Variants in DAZAP1 observed in about 807,000 individuals in gnomAD.
The protein encoded by DAZAP1 is DAZ associated protein 1, also known as DAZ-associated protein 1.
Under a neutral mutation model 60.1 loss-of-function variants are expected in DAZAP1, and 6 were observed. The ratio of observed to expected loss-of-function variants is 0.10; its 90% CI spans 0.05 to 0.20. The LOEUF (loss-of-function observed/expected upper bound fraction) is 0.20, where lower values mean the gene tolerates loss of function less well. Among genes scored for constraint, DAZAP1 ranks in the 10% least tolerant of loss-of-function variants. The probability of loss-of-function intolerance (pLI) is 1.00; values close to 1 mark genes in which losing one functional copy is unlikely to be tolerated. For missense variants in DAZAP1, 366 were observed against 560.4 expected, an observed-to-expected ratio of 0.65 and a Z score of 3.50; for synonymous variants, 235 against 215.9, an observed-to-expected ratio of 1.09 and a Z score of -0.78.
intron 1 of DAZAP1, among the ~76,000 whole-genome samples, chr19:1,408,541 C>T (rs1346012651): frequency 2.6e-5 from 4 of 152,240 alleles, no homozygotes; most frequent in Non-Finnish European, 5.9e-5. Flanking sequence ...CATCCCACCC[C>T]CCCAAAGTGG....
chr19:1,419,612 G>C (rs542049758), intron 4 of DAZAP1, among the ~76,000 whole-genome samples: 1 of 152,270 alleles, frequency 6.6e-6, no homozygotes, highest in East Asian at 1.9e-4. Context: ...TCTCATAGCT[G>C]GTTTTTTTCA....
chr19:1,427,194 G>A (rs147023696), intron 7 of DAZAP1: 1 of 152,332 alleles, frequency 6.6e-6, no homozygotes, highest in East Asian at 1.9e-4. Context: ...GGGCTTCAAG[G>A]AGTCTGCGCC....
At chr19:1,430,451 C>A in intron 10 of DAZAP1, 89 bp downstream of exon 10, 1 of 1,252,460 alleles carries the variant, frequency 8.0e-7, no homozygotes, top group Non-Finnish European at 1.1e-6. Flanking sequence ...TTGTGTTACA[C>A]GTCTGGCCTC....
At position 1,428,807 on chromosome 19, in the gene DAZAP1, C is replaced by T. The variant is rs377677193; in HGVS notation, c.547-35C>T. The T allele has an allele frequency of 9.9e-6, 16 of 1,611,412 alleles. No homozygotes were observed. Among genetic ancestry groups the T allele is most frequent in the Non-Finnish European group, 1.4e-5 (16 of 1,179,118 alleles). On this transcript the variant is annotated intron_variant, in intron 7 of 11. Coordinates refer to ENST00000233078, the MANE Select transcript of DAZAP1 (RefSeq NM_018959.4). This position sits in a 1 kb window ranked among gnomAD's most constrained non-coding sequence, Gnocchi z 4.0. ...AAAGGGAAGGGGGTGCTGGGACCCG[C>T]AGCCTCGCCCTAAACCAGAGCTCGG...
In DAZAP1 at chr19:1,426,718, G is replaced by A. The variant is rs1034441213; in HGVS notation, c.546+758G>A. 6.6e-6 allele frequency: 1 copy of A among 152,226 alleles called. No individual in the cohort carries two copies. The highest frequency in any genetic ancestry group is 2.4e-5 in the African/African-American group (1 of 41,442). The allele number at this position is 152,226 out of a possible 1,614,324, so 9.4% of individuals were successfully genotyped here. On this transcript the variant is annotated intron_variant, in intron 7 of 11. Transcript: ENST00000233078. This position sits in a 1 kb window ranked among gnomAD's most constrained non-coding sequence, Gnocchi z 5.4. Reference sequence around the variant, plus strand: ...GAAATTCTACAGTGTGGAATTTCTTGCAGTTAGCAAAAGCTTAGGGGTCCA... The same window carrying A: ...GAAATTCTACAGTGTGGAATTTCTTACAGTTAGCAAAAGCTTAGGGGTCCA...
chr19:1,421,141 T>C lies in DAZAP1; in HGVS notation c.304-7T>C, dbSNP rs1404764431. On this transcript the variant is annotated splice_region_variant and splice_polypyrimidine_tract_variant and intron_variant, in intron 4 of 11. Transcript: ENST00000233078. ...TGTGAACTAACTATCCTTCCCTTCTTCAACAGCAGAAAGGACCCAGGAGCG... is the reference window on the plus strand; with the variant it reads ...TGTGAACTAACTATCCTTCCCTTCTCCAACAGCAGAAAGGACCCAGGAGCG... The C allele has an allele frequency of 6.2e-7, 1 of 1,612,998 alleles. No individual in the cohort carries two copies. The highest frequency in any genetic ancestry group is 1.7e-5 in the Admixed American group (1 of 60,004).
intron 7 of DAZAP1, chr19:1,427,177 A>C (rs535894835): frequency 6.6e-6 from 1 of 152,340 alleles, no homozygotes; most frequent in East Asian, 1.9e-4. Flanking sequence ...GCGCGACAGT[A>C]CAAGCAGGGC....
chr19:1,421,117 G>C, intron 4 of DAZAP1, 31 bp from the exon 5 acceptor site: 1 of 1,606,850 alleles, frequency 6.2e-7, no homozygotes, highest in South Asian at 1.1e-5. Context: ...GGGTTCCCGT[G>C]TGAACTAACT....
chr19:1,431,175 C>G (rs1267352969), intron 10 of DAZAP1, among the ~76,000 whole-genome samples: 1 of 151,578 alleles, frequency 6.6e-6, no homozygotes, highest in East Asian at 1.9e-4. Context: ...GTCGCCCAGG[C>G]TAGAGTGCAG....
chr19:1,430,751 C>T (rs1042270325), intron 10 of DAZAP1, among the ~76,000 whole-genome samples: 2 of 142,630 alleles, frequency 1.4e-5, no homozygotes, highest in East Asian at 4.1e-4. Context: ...GATGGAGTTT[C>T]ACTCTGTAGC....
chr19:1,429,098 C>G (rs1600238011), intron 8 of DAZAP1, 103 bp downstream of exon 8: 1 of 1,357,374 alleles, frequency 7.4e-7, no homozygotes, highest in African/African-American at 1.5e-5. Context: ...CTCTGCTGTG[C>G]ATGCACAGAG....
intron 1 of DAZAP1, among the ~76,000 whole-genome samples, chr19:1,410,897 G>A (rs966613170): frequency 6.6e-6 from 1 of 152,258 alleles, no homozygotes; most frequent in Admixed American, 6.5e-5. Context: ...TCAGCGGAGA[G>A]AGGAGAAAGC....
chr19:1,419,868 C>T (rs533306723), intron 4 of DAZAP1, among the ~76,000 whole-genome samples: 1 of 142,522 alleles, frequency 7.0e-6, no homozygotes, highest in African/African-American at 2.6e-5. Flanking sequence ...CCGACCGTCA[C>T]GGCAGCGAGC....
intron 10 of DAZAP1, among the ~76,000 whole-genome samples, chr19:1,431,287 C>T (rs1020855008): frequency 6.6e-6 from 1 of 151,268 alleles, no homozygotes; most frequent in Non-Finnish European, 1.5e-5. Flanking sequence ...CACCACCACG[C>T]CTGGCTAATT....
chr19:1,434,966 A>T lies in DAZAP1; in HGVS notation c.*54A>T. Reference sequence around the variant, plus strand: ...CAGACCCAGGATTCCAAACTTGTGAACTCGTGACAATCACAAACTTGGCGG... The same window carrying T: ...CAGACCCAGGATTCCAAACTTGTGATCTCGTGACAATCACAAACTTGGCGG... On this transcript the variant is annotated 3_prime_UTR_variant, in exon 12 of 12. Transcript: ENST00000233078. This position sits in a 1 kb window ranked among gnomAD's most constrained non-coding sequence, Gnocchi z 8.0. 1.0e-6 allele frequency: 1 copy of T among 996,324 alleles called. No homozygotes were observed. The highest frequency in any genetic ancestry group is 1.2e-6 in the Non-Finnish European group (1 of 837,692). 61.7% of individuals were successfully genotyped at this position (996,324 alleles called of 1,614,324 possible). A position where few individuals can be genotyped will look rare whatever the true frequency, so the allele number is the denominator to read the frequency against.
Position 1,412,471 on chromosome 19 carries a change from G to C in DAZAP1, c.29+4669G>C, listed in dbSNP as rs370886432. On this transcript the variant is annotated intron_variant, in intron 1 of 11. Transcript: ENST00000233078. The stretch of plus-strand genomic sequence containing the variant: ...GACTGGCGGAGCCCAGAGCCAGGTG[G>C]GGTCTGTGGGGAGGCAGGCTCCTCC... 2.7e-4 allele frequency among the ~76,000 whole-genome samples: 41 copies of C among 152,358 alleles called. No homozygotes were observed. In the East Asian group the frequency reaches 7.1e-3, roughly 26 times the overall value.
At chr19:1,411,068 C>G (rs1275100262) in intron 1 of DAZAP1, among the ~76,000 whole-genome samples, 1 of 152,234 alleles carries the variant, frequency 6.6e-6, no homozygotes, top group Admixed American at 6.5e-5. Context: ...CTACTTGTAC[C>G]TGTGCAGAGT....
In DAZAP1 at chr19:1,423,374, TC is replaced by T. The variant is rs1217656960; in HGVS notation, c.463+980del. 4.6e-5 allele frequency among the ~76,000 whole-genome samples: 7 copies of T among 152,264 alleles called. No individual in the cohort carries two copies. The highest frequency in any genetic ancestry group is 5.9e-5 in the Non-Finnish European group (4 of 68,040). ...ACAGTGATGTTAAGTAAGCTGTTTTTCCTTTTCTCTCTGTGAATTGTGTGTG... is the reference window on the plus strand; with the variant it reads ...ACAGTGATGTTAAGTAAGCTGTTTTTCTTTTCTCTCTGTGAATTGTGTGTG... On this transcript the variant is annotated intron_variant, in intron 6 of 11. Transcript: ENST00000233078. This position sits in a 1 kb window ranked among gnomAD's most constrained non-coding sequence, Gnocchi z 6.8.
rs1169289427 is a variant in DAZAP1 at position 1,423,586 on chromosome 19, G to C, written c.463+1190G>C. 6.6e-6 allele frequency among the ~76,000 whole-genome samples: 1 copy of C among 152,192 alleles called. No individual in the cohort carries two copies. The highest frequency in any genetic ancestry group is 1.5e-5 in the Non-Finnish European group (1 of 68,030). ...CTTGACAGCCGCATTCCTAGACAGC[G>C]CTCAGGGCGCCTCCCCCAGGACCCA... On this transcript the variant is annotated intron_variant, in intron 6 of 11. Coordinates refer to ENST00000233078, the MANE Select transcript of DAZAP1 (RefSeq NM_018959.4). This position sits in a 1 kb window ranked among gnomAD's most constrained non-coding sequence, Gnocchi z 6.8.
Sources: gnomAD v4.1 joint callset for allele counts (sites outside exome capture counted in the v4.1 genomes callset) on GRCh38, gnomAD v4.1.1 for gene constraint, Gnocchi (gnomAD v3.1) non-coding constraint, MANE v1.5 for transcripts, NCBI Gene and HGNC (gene_info 2026-07-23, HGNC 2026-07-21) for gene names.